Variants in POP4 observed in about 807,000 individuals in gnomAD.
The protein encoded by POP4 is POP4 ribonuclease P/MRP subunit.
POP4 carries 31 observed loss-of-function variants against 29.9 expected under a neutral mutation model. The observed-to-expected ratio is 1.04, with a 90% CI of 0.78 to 1.40. POP4 has a LOEUF of 1.40. Ranked by LOEUF, POP4 falls within the 40% of genes most tolerant of loss-of-function variation. POP4 has a pLI of 0.00. For synonymous variants in POP4, 110 were observed against 108.2 expected (o/e 1.02, Z -0.10); for missense variants, 286 against 282.7 (o/e 1.01, Z -0.08).
chr19:29,613,821 C>G, intron 5 of POP4, 50 bp from the exon 6 acceptor site: 1 of 1,555,338 alleles, frequency 6.4e-7, no homozygotes, highest in Non-Finnish European at 8.6e-7. Context: ...CTCTGTGGTT[C>G]CCCCAGCACC....
rs1378250439 is a variant in POP4 at position 29,612,116 on chromosome 19, G to A, written c.363-1G>A. On this transcript the variant is annotated splice_acceptor_variant, in intron 4 of 6. Coordinates refer to ENST00000585603, the MANE Select transcript of POP4 (RefSeq NM_006627.3). LOFTEE classifies it high-confidence loss of function. ...ACCAAGGGCTTCTGTTTACCCTGCA[G>A]GCAGCCACAGATGATTCAGGCCAAG... 5 of 1,606,528 alleles carry A rather than the reference G, an allele frequency of 3.1e-6. No individual in the cohort carries two copies. The highest frequency in any genetic ancestry group is 4.2e-6 in the Non-Finnish European group (5 of 1,177,986).
intron 2 of POP4, among the ~76,000 whole-genome samples, chr19:29,609,476 G>A (rs1971040065): frequency 6.6e-6 from 1 of 152,220 alleles, no homozygotes; most frequent in African/African-American, 2.4e-5. Context: ...AGTGCAAAAA[G>A]AGCTCAGGAA....
intron 2 of POP4, among the ~76,000 whole-genome samples, chr19:29,610,075 C>T (rs899632726): frequency 6.6e-6 from 1 of 152,252 alleles, no homozygotes; most frequent in Non-Finnish European, 1.5e-5. Flanking sequence ...CAAGCTTTCT[C>T]TTCTGCCAAG....
chr19:29,606,927 G>C lies in POP4; in HGVS notation c.7+602G>C, dbSNP rs117518760. Among the ~76,000 whole-genome samples, 127 of 152,290 alleles carry C rather than the reference G, an allele frequency of 8.3e-4. 3 individuals carry two copies. In the East Asian group the frequency reaches 0.024, roughly 28 times the overall value. On this transcript the variant is annotated intron_variant, in intron 1 of 6. Transcript: ENST00000585603. ...AGAAAAAATATGTGTACCTTGTAATGAGGTTTCTGGCAAGTAATGGATGTT... is the reference window on the plus strand; with the variant it reads ...AGAAAAAATATGTGTACCTTGTAATCAGGTTTCTGGCAAGTAATGGATGTT...
chr19:29,608,128 G>T lies in POP4; in HGVS notation c.8-529G>T, dbSNP rs555574084. Among the ~76,000 whole-genome samples the T allele has an allele frequency of 2.2e-4, 34 of 152,310 alleles. 1 individual carries two copies. Among genetic ancestry groups the T allele is most frequent in the African/African-American group, 7.5e-4 (31 of 41,552 alleles). On this transcript the variant is annotated intron_variant, in intron 1 of 6. Transcript: ENST00000585603. ...TGTGCTTGGAACTTCTAGCATAGATGTGGCCAGAGGGTGGGATAAGAGGCA... is the reference window on the plus strand; with the variant it reads ...TGTGCTTGGAACTTCTAGCATAGATTTGGCCAGAGGGTGGGATAAGAGGCA...
At chr19:29,613,456 C>A (rs973639911) in intron 5 of POP4, among the ~76,000 whole-genome samples, 1 of 152,178 alleles carries the variant, frequency 6.6e-6, no homozygotes, top group Non-Finnish European at 1.5e-5. Flanking sequence ...TGCTGGGCAG[C>A]TCTGCAGCCA....
chr19:29,606,742 G>C (rs1004081736), intron 1 of POP4, among the ~76,000 whole-genome samples: 7 of 152,118 alleles, frequency 4.6e-5, no homozygotes, highest in Non-Finnish European at 1.0e-4. Flanking sequence ...GGTCCTTAGG[G>C]GTAGAAGACA....
rs148905508 is a variant in POP4, at chr19:29,615,650, G to A, written c.*270G>A. Reference sequence around the variant, plus strand: ...ACAGACTGGCAGGAAGCACACCGGGGTTAACACTGGTTGACTTGAATAGGA... The same window carrying A: ...ACAGACTGGCAGGAAGCACACCGGGATTAACACTGGTTGACTTGAATAGGA... On this transcript the variant is annotated 3_prime_UTR_variant, in exon 7 of 7. Transcript: ENST00000585603. The A allele has an allele frequency of 2.6e-3, 982 of 378,618 alleles. 9 individuals are homozygous for A. The highest frequency in any genetic ancestry group is 0.018 in the African/African-American group (894 of 49,530). The allele number at this position is 378,618 out of a possible 1,614,324, so 23.5% of individuals were successfully genotyped here.
Position 29,608,640 on chromosome 19 carries a change from T to C in POP4, c.8-17T>C, listed in dbSNP as rs1026580859. On this transcript the variant is annotated splice_polypyrimidine_tract_variant and intron_variant, in intron 1 of 6. Transcript: ENST00000585603. ...TACCCAACAAGAATTGATCATTTCT[T>C]TTTTTTAATCCCCCAGGTGTGATCT... 1.5e-5 allele frequency: 24 copies of C among 1,611,114 alleles called. No individual in the cohort carries two copies. Among genetic ancestry groups the C allele is most frequent in the South Asian group, 2.2e-5 (2 of 91,032 alleles).
chr19:29,606,915 G>A (rs909142544), intron 1 of POP4, among the ~76,000 whole-genome samples: 8 of 152,146 alleles, frequency 5.3e-5, no homozygotes, highest in Admixed American at 5.2e-4. Context: ...AAAAATATGT[G>A]TACCTTGTAA....
intron 2 of POP4, chr19:29,609,368 T>TC (rs1465032874): frequency 6.6e-6 from 1 of 152,340 alleles, no homozygotes; most frequent in Non-Finnish European, 1.5e-5. Context: ...TACCCTATCT[T>TC]CCCATCCCCA....
intron 1 of POP4, 166 bp downstream of exon 1, chr19:29,606,491 T>C: frequency 2.6e-6 from 2 of 755,420 alleles, no homozygotes; most frequent in Non-Finnish European, 4.0e-6. Context: ...GGAGCACGGG[T>C]TAGCCTGGCT....
At position 29,609,658 on chromosome 19, in the gene POP4, A is replaced by T. The variant is rs576079097; in HGVS notation, c.61-751A>T. On this transcript the variant is annotated intron_variant, in intron 2 of 6. Coordinates refer to ENST00000585603, the MANE Select transcript of POP4 (RefSeq NM_006627.3). Reference sequence around the variant, plus strand: ...GTTTGTTTGTTTGTTTGTTTGTTTGAGAATTGCACACAATTACGACAGTCA... The same window carrying T: ...GTTTGTTTGTTTGTTTGTTTGTTTGTGAATTGCACACAATTACGACAGTCA... Among the ~76,000 whole-genome samples, 292 of 150,606 alleles carry T rather than the reference A, an allele frequency of 1.9e-3. 3 individuals are homozygous for T. The highest frequency in any genetic ancestry group is 6.7e-3 in the African/African-American group (275 of 40,794).
At chr19:29,610,851 A>G (rs1971060277) in intron 3 of POP4, 2 of 569,022 alleles carry the variant, frequency 3.5e-6, no homozygotes, top group Non-Finnish European at 6.3e-6. Context: ...CACCTTCAGG[A>G]GTAAGACCCG....
rs1049089132 is a variant in POP4, at chr19:29,617,013, G to A, written c.*1633G>A. 1.2e-4 allele frequency: 19 copies of A among 152,240 alleles called. No homozygotes were observed. The highest frequency in any genetic ancestry group is 4.6e-4 in the African/African-American group (19 of 41,464). The allele number at this position is 152,240 out of a possible 1,614,324, so 9.4% of individuals were successfully genotyped here. A position where few individuals can be genotyped will look rare whatever the true frequency, so the allele number is the denominator to read the frequency against. ...CTACAGGGTGGCTGCAGGATGAGAC[G>A]GATGCAGTTCAAAGTGCAGGATGTG... On this transcript the variant is annotated 3_prime_UTR_variant, in exon 7 of 7. Transcript: ENST00000585603.
chr19:29,609,928 C>G (rs1971044888), intron 2 of POP4, among the ~76,000 whole-genome samples: 2 of 152,186 alleles, frequency 1.3e-5, no homozygotes, highest in Non-Finnish European at 2.9e-5. Flanking sequence ...TCCCTGCGCC[C>G]TGAGGCTTGG....
rs572652476 is a variant in POP4, at chr19:29,608,638, C to CT, written c.8-11dup. The CT allele has an allele frequency of 5.6e-6, 9 of 1,609,170 alleles. No individual in the cohort carries two copies. Among genetic ancestry groups the CT allele is most frequent in the Middle Eastern group, 1.7e-4 (1 of 6,054 alleles). On this transcript the variant is annotated intron_variant, in intron 1 of 6. Transcript: ENST00000585603. ...CATACCCAACAAGAATTGATCATTT[C>CT]TTTTTTTTAATCCCCCAGGTGTGAT... is the stretch of plus-strand genomic sequence containing the variant.
intron 6 of POP4, 148 bp downstream of exon 6, chr19:29,614,120 G>A (rs566050204): frequency 1.9e-4 from 271 of 1,422,418 alleles, no homozygotes; most frequent in Non-Finnish European, 2.4e-4. Context: ...AAAGCCTGCA[G>A]AGACCATCCC....
intron 1 of POP4, among the ~76,000 whole-genome samples, chr19:29,606,712 TATCACTA>T (rs1418611956): frequency 6.6e-6 from 1 of 152,070 alleles, no homozygotes; most frequent in Non-Finnish European, 1.5e-5. Context: ...TGGGGAATGA[TATCACTA>T]ACCCAAAGCT....
Sources: allele counts gnomAD v4.1 joint callset (sites outside exome capture counted in the v4.1 genomes callset), GRCh38; gene constraint gnomAD v4.1.1; transcripts MANE v1.5; gene names NCBI Gene and HGNC (gene_info 2026-07-23, HGNC 2026-07-21).